Variants in PARL observed in about 807,000 individuals in gnomAD.
PARL encodes the protein presenilin associated rhomboid like.
A neutral mutation model predicts 51.6 loss-of-function variants in PARL; 44 were observed. That is an observed-to-expected ratio of 0.85 (90% CI 0.67 to 1.10). The LOEUF is 1.10. Among genes scored for constraint, PARL ranks in the 50% least tolerant of loss-of-function variants. The pLI is 0.00. For missense variants in PARL, 441 were observed against 469.5 expected, an observed-to-expected ratio of 0.94 and a Z score of 0.56; for synonymous variants, 172 against 164.0, an observed-to-expected ratio of 1.05 and a Z score of -0.37.
intron 1 of PARL, among the ~76,000 whole-genome samples, chr3:183,880,282 ACTCTGCTG>A (rs1480211393): frequency 6.6e-6 from 1 of 151,798 alleles, no homozygotes; most frequent in African/African-American, 2.4e-5. Context: ...GCCTGCCTTG[ACTCTGCTG>A]CTTTGGTCCT....
chr3:183,855,112 A>G (rs1173952345), intron 4 of PARL, among the ~76,000 whole-genome samples: 1 of 152,114 alleles, frequency 6.6e-6, no homozygotes, highest in Non-Finnish European at 1.5e-5. Context: ...CCCTAGAGAA[A>G]GCAGGTTGAT....
chr3:183,877,205 A>C (rs1276453596), intron 1 of PARL, among the ~76,000 whole-genome samples: 1 of 151,970 alleles, frequency 6.6e-6, no homozygotes, highest in East Asian at 1.9e-4. Flanking sequence ...CAGGAGTGAA[A>C]CTCCATCTCG....
At chr3:183,876,610 T>TAAAAAAAA (rs576376716) in intron 1 of PARL, among the ~76,000 whole-genome samples, 9 of 91,804 alleles carry the variant, frequency 9.8e-5, no homozygotes, top group African/African-American at 2.8e-4. Flanking sequence ...ATACATTTTG[T>TAAAAAAAA]AAAAAAAAAA....
intron 4 of PARL, among the ~76,000 whole-genome samples, chr3:183,852,606 T>C (rs999902123): frequency 2.0e-5 from 3 of 152,194 alleles, no homozygotes; most frequent in African/African-American, 7.2e-5. Flanking sequence ...CTGAAACTCC[T>C]GGCCTCAGCC....
chr3:183,856,660 A>G (rs1731217149), intron 4 of PARL: 1 of 152,246 alleles, frequency 6.6e-6, no homozygotes, highest in Non-Finnish European at 1.5e-5. Context: ...CAAATTCACA[A>G]TGAGGGAGGC....
chr3:183,838,541 TG>T (rs1430384524), intron 7 of PARL, among the ~76,000 whole-genome samples: 1 of 152,196 alleles, frequency 6.6e-6, no homozygotes, highest in Non-Finnish European at 1.5e-5. Flanking sequence ...TTTTGATGAC[TG>T]AACAGGAACT....
At chr3:183,877,536 T>C (rs1262261515) in intron 1 of PARL, among the ~76,000 whole-genome samples, 1 of 152,168 alleles carries the variant, frequency 6.6e-6, no homozygotes, top group African/African-American at 2.4e-5. Context: ...AGAAATCTTT[T>C]GTGAAAGGAG....
chr3:183,884,490 C>G (rs1184763448), intron 1 of PARL, among the ~76,000 whole-genome samples: 1 of 152,200 alleles, frequency 6.6e-6, no homozygotes, highest in Non-Finnish European at 1.5e-5. Flanking sequence ...CTTCCAGTCA[C>G]GTCCTTCCCA....
chr3:183,826,952 G>A (rs1284771440), downstream of PARL, among the ~76,000 whole-genome samples: 3 of 152,156 alleles, frequency 2.0e-5, no homozygotes, highest in Non-Finnish European at 4.4e-5. Context: ...AGGAGGTTTA[G>A]TGTGGTAGTG....
intron 9 of PARL, among the ~76,000 whole-genome samples, chr3:183,830,366 G>A (rs540026342): frequency 6.6e-6 from 1 of 152,324 alleles, no homozygotes; most frequent in African/African-American, 2.4e-5. Context: ...ACTAGAACCC[G>A]AGTCTGCTGC....
intron 1 of PARL, among the ~76,000 whole-genome samples, chr3:183,876,096 A>C (rs1373642148): frequency 6.6e-6 from 1 of 152,086 alleles, no homozygotes; most frequent in Non-Finnish European, 1.5e-5. Flanking sequence ...CCCAGGCTGG[A>C]AGTACAGTGG....
intron 4 of PARL, among the ~76,000 whole-genome samples, chr3:183,862,150 T>C (rs924872794): frequency 7.2e-5 from 11 of 152,238 alleles, no homozygotes; most frequent in African/African-American, 2.7e-4. Flanking sequence ...GAGCCAAATC[T>C]GTCTTTCCAT....
intron 1 of PARL, among the ~76,000 whole-genome samples, chr3:183,877,308 GAGA>G: frequency 6.6e-6 from 1 of 152,338 alleles, no homozygotes; most frequent in Admixed American, 6.5e-5. Context: ...TTGAACAGAT[GAGA>G]AGTTGTTTCT....
At chr3:183,828,596 G>A (rs1432038552), downstream of PARL, among the ~76,000 whole-genome samples, 1 of 152,324 alleles carries the variant, frequency 6.6e-6, no homozygotes. Flanking sequence ...CAATTTCTAT[G>A]TGCTGGGCGC....
At chr3:183,862,856 A>G in intron 3 of PARL, 55 bp from the exon 4 acceptor site, 1 of 1,399,666 alleles carries the variant, frequency 7.1e-7, no homozygotes, top group Non-Finnish European at 1.0e-6. Flanking sequence ...GGCTACAAAA[A>G]TGAAAAACCA....
At chr3:183,866,491 T>C (rs1732488625) in intron 3 of PARL, 134 bp downstream of exon 3, 2 of 748,636 alleles carry the variant, frequency 2.7e-6, no homozygotes, top group Non-Finnish European at 4.7e-6. Flanking sequence ...AGGTGATAGA[T>C]ATTCAGTTCC....
intron 9 of PARL, among the ~76,000 whole-genome samples, chr3:183,830,541 G>A (rs544289731): frequency 6.6e-6 from 1 of 152,270 alleles, no homozygotes; most frequent in Non-Finnish European, 1.5e-5. Flanking sequence ...GATTTCCAGG[G>A]GCAGTTAGTG....
intron 1 of PARL, among the ~76,000 whole-genome samples, chr3:183,876,628 A>G (rs1314031258): frequency 1.3e-4 from 16 of 122,894 alleles, no homozygotes; most frequent in African/African-American, 3.6e-4. Context: ...AAAAAAAAAA[A>G]AAAAAAAAAA....
Position 183,840,643 on chromosome 3 carries a change from GA to G in PARL, c.758-4del. On this transcript the variant is annotated splice_region_variant and splice_polypyrimidine_tract_variant and intron_variant, in intron 6 of 9. Transcript: ENST00000317096. ...ACTGACAAAATTGGAAATAACACCT[GA>G]AAAACAAGTCACATTACAATAATTT... 2 of 1,475,216 alleles carry G rather than the reference GA, an allele frequency of 1.4e-6. No homozygotes were observed. The highest frequency in any genetic ancestry group is 1.9e-6 in the Non-Finnish European group (2 of 1,061,768). The allele number at this position is 1,475,216 out of a possible 1,614,324, so 91.4% of individuals were successfully genotyped here. A position where few individuals can be genotyped will look rare whatever the true frequency, so the allele number is the denominator to read the frequency against.
Sources: allele counts gnomAD v4.1 joint callset (sites outside exome capture counted in the v4.1 genomes callset), GRCh38; gene constraint gnomAD v4.1.1; transcripts MANE v1.5; gene names NCBI Gene and HGNC (gene_info 2026-07-23, HGNC 2026-07-21).